SHQ1: variants seen among roughly 807,000 people sequenced by gnomAD.
SHQ1 encodes the protein protein SHQ1 homolog.
Under a neutral mutation model 53.8 loss-of-function variants are expected in SHQ1, and 49 were observed. That is an observed-to-expected ratio of 0.91 (90% CI 0.72 to 1.16). The LOEUF is 1.16. Among genes scored for constraint, SHQ1 ranks in the 50% most tolerant of loss-of-function variants. SHQ1 has a pLI of 0.00. For synonymous variants in SHQ1, 243 were observed against 251.0 expected (o/e 0.97, Z 0.30); for missense variants, 738 against 683.1 (o/e 1.08, Z -0.90).
intron 9 of SHQ1, among the ~76,000 whole-genome samples, chr3:72,796,834 T>C (rs1233788804): frequency 7.3e-6 from 1 of 137,220 alleles, no homozygotes; most frequent in African/African-American, 2.8e-5. Flanking sequence ...ACAAAAGAAA[T>C]GTCAAATAAC....
chr3:72,764,718 G>C (rs1211600083), intron 10 of SHQ1, among the ~76,000 whole-genome samples: 1 of 152,148 alleles, frequency 6.6e-6, no homozygotes, highest in African/African-American at 2.4e-5. Flanking sequence ...CCCAACCCAG[G>C]TCTCTGAACA....
chr3:72,785,996 T>A (rs951691539), intron 10 of SHQ1, among the ~76,000 whole-genome samples: 1 of 152,198 alleles, frequency 6.6e-6, no homozygotes, highest in Non-Finnish European at 1.5e-5. Flanking sequence ...AAACTACACC[T>A]TCTTCATTAC....
rs76052464 is a variant in SHQ1, at chr3:72,812,680, A to G, written c.1051T>C (p.Leu351=). 1,595 of 1,613,926 alleles carry G rather than the reference A, an allele frequency of 9.9e-4. 17 individuals are homozygous for G. The African/African-American group carries it at 0.019, about 20-fold the overall frequency. ...TACAGTAATATCTTACCCAGTTGCA[A>G]TATCTTTATAGTGTCCCTGTAGGCC... ...MKAYRDTIKI[L]QLGKSAVLKC... The change falls in exon 9 of 11, where the codon TTG becomes CTG. Residue 351 remains leucine, a synonymous_variant. Coordinates refer to ENST00000325599, the MANE Select transcript of SHQ1 (RefSeq NM_018130.3).
intron 6 of SHQ1, among the ~76,000 whole-genome samples, chr3:72,822,597 C>T (rs956986143): frequency 3.3e-5 from 5 of 152,216 alleles, no homozygotes; most frequent in Non-Finnish European, 7.3e-5. Flanking sequence ...CATCAATTTT[C>T]TCCCACACCA....
At chr3:72,758,821 C>G (rs1387553408) in intron 10 of SHQ1, among the ~76,000 whole-genome samples, 1 of 152,146 alleles carries the variant, frequency 6.6e-6, no homozygotes, top group Non-Finnish European at 1.5e-5. Flanking sequence ...CCTGCCTTGG[C>G]CTTCCAAAGA....
Position 72,750,139 on chromosome 3 carries a change from G to T in SHQ1, c.*145C>A. Reference sequence around the variant, plus strand: ...CTTCAATATTTTTGATCTGCAGTTGGTTGAATCCACAGATGTGGAACACAC... The same window carrying T: ...CTTCAATATTTTTGATCTGCAGTTGTTTGAATCCACAGATGTGGAACACAC... On this transcript the variant is annotated 3_prime_UTR_variant, in exon 11 of 11. Coordinates refer to ENST00000325599, the MANE Select transcript of SHQ1 (RefSeq NM_018130.3). The T allele has an allele frequency of 2.8e-6, 2 of 706,586 alleles. No individual in the cohort carries two copies. The highest frequency in any genetic ancestry group is 4.7e-6 in the Non-Finnish European group (2 of 429,692). 43.8% of individuals were successfully genotyped at this position (706,586 alleles called of 1,614,324 possible). A position where few individuals can be genotyped will look rare whatever the true frequency, so the allele number is the denominator to read the frequency against.
chr3:72,772,920 G>T, intron 10 of SHQ1: 1 of 833,212 alleles, frequency 1.2e-6, no homozygotes, highest in Non-Finnish European at 2.1e-6. Context: ...CTAAATGGGA[G>T]TTATTTGACC....
chr3:72,737,958 A>G, the SHQ1 span, among the ~76,000 whole-genome samples: 1 of 152,156 alleles, frequency 6.6e-6, no homozygotes, highest in Admixed American at 6.5e-5. Flanking sequence ...CACAATGCTG[A>G]TCTGGGCCCA....
chr3:72,741,750 G>A, the SHQ1 span, among the ~76,000 whole-genome samples: 8 of 152,138 alleles, frequency 5.3e-5, no homozygotes, highest in East Asian at 1.9e-4. Flanking sequence ...TTGGCCCTCC[G>A]TATCCTGGGG....
At chr3:72,845,221 C>T (rs1245488916) in intron 1 of SHQ1, among the ~76,000 whole-genome samples, 2 of 152,120 alleles carry the variant, frequency 1.3e-5, no homozygotes, top group African/African-American at 4.8e-5. Context: ...TGGTGGCTTA[C>T]GCCTGTAATC....
At position 72,844,435 on chromosome 3, in the gene SHQ1, A is replaced by T. The variant is rs766133321; in HGVS notation, c.144-12T>A. The T allele has an allele frequency of 1.7e-5, 27 of 1,611,600 alleles. No homozygotes were observed. Among genetic ancestry groups the T allele is most frequent in the Non-Finnish European group, 2.1e-5 (25 of 1,177,782 alleles). ...CAGGAAGGGTTAATCTGCAGATTTAACACAGGTCTCATGAAGTCCTTAAAT... is the reference window on the plus strand; with the variant it reads ...CAGGAAGGGTTAATCTGCAGATTTATCACAGGTCTCATGAAGTCCTTAAAT... On this transcript the variant is annotated splice_polypyrimidine_tract_variant and intron_variant, in intron 1 of 10. Transcript: ENST00000325599.
At chr3:72,842,224 C>T in intron 3 of SHQ1, 56 bp downstream of exon 3, 1 of 1,583,306 alleles carries the variant, frequency 6.3e-7, no homozygotes, top group Non-Finnish European at 8.6e-7. Context: ...TACAAATACA[C>T]AGCATTCCAA....
At chr3:72,726,850 G>T in the SHQ1 span, among the ~76,000 whole-genome samples, 1 of 152,144 alleles carries the variant, frequency 6.6e-6, no homozygotes, top group Non-Finnish European at 1.5e-5. Context: ...CACCTCATTA[G>T]ATCATTGGTG....
At chr3:72,766,423 T>C (rs773371613) in intron 10 of SHQ1, among the ~76,000 whole-genome samples, 7 of 152,166 alleles carry the variant, frequency 4.6e-5, no homozygotes, top group Non-Finnish European at 8.8e-5. Flanking sequence ...ACTACACCAC[T>C]GCTGCCTGAG....
At chr3:72,770,850 C>T (rs188994029) in intron 10 of SHQ1, among the ~76,000 whole-genome samples, 3 of 152,270 alleles carry the variant, frequency 2.0e-5, no homozygotes, top group Admixed American at 2.0e-4. Context: ...AGATAAGAGA[C>T]GAAGTAGGTG....
the SHQ1 span, among the ~76,000 whole-genome samples, chr3:72,731,990 C>T: frequency 2.0e-5 from 3 of 151,602 alleles, no homozygotes; most frequent in East Asian, 1.9e-4. Context: ...ATTCAGGCTT[C>T]GGAGGGCCTC....
intron 9 of SHQ1, among the ~76,000 whole-genome samples, chr3:72,802,201 C>T (rs1461815721): frequency 6.6e-6 from 1 of 152,234 alleles, no homozygotes; most frequent in Admixed American, 6.5e-5. Flanking sequence ...CCCTGCCCCA[C>T]TACCTGTGAA....
In SHQ1 at chr3:72,827,753, C is replaced by CTT. The variant is rs397877851; in HGVS notation, c.600-3204_600-3203dup. On this transcript the variant is annotated intron_variant, in intron 5 of 10. Transcript: ENST00000325599. ...CTGAGATCTCAATTTTTTTTCAAGA[C>CTT]TTTTTTTTTTTTTTTTTTTGAGACA... Among the ~76,000 whole-genome samples the CTT allele has an allele frequency of 2.4e-3, 263 of 111,662 alleles. 4 individuals carry two copies. Among genetic ancestry groups the CTT allele is most frequent in the African/African-American group, 3.3e-3 (92 of 28,262 alleles). The allele number at this position is 111,662 out of a possible 152,430, so 73.3% of individuals were successfully genotyped here.
intron 10 of SHQ1, among the ~76,000 whole-genome samples, chr3:72,763,610 G>A (rs1705657874): frequency 6.6e-6 from 1 of 152,292 alleles, no homozygotes; most frequent in South Asian, 2.1e-4. Flanking sequence ...GATTAGGGAA[G>A]GACCTCAGTC....
Sources: allele counts gnomAD v4.1 joint callset (sites outside exome capture counted in the v4.1 genomes callset), GRCh38; gene constraint gnomAD v4.1.1; transcripts MANE v1.5; gene names NCBI Gene and HGNC (gene_info 2026-07-23, HGNC 2026-07-21).